NOL4: variants seen among roughly 807,000 people sequenced by gnomAD.
NOL4 encodes the protein nucleolar protein 4, also known as cancer/testis antigen 125.
A neutral mutation model predicts 75.9 loss-of-function variants in NOL4; 17 were observed. The ratio of observed to expected loss-of-function variants is 0.22; its 90% confidence interval spans 0.15 to 0.34. The LOEUF (loss-of-function observed/expected upper bound fraction) is 0.34. NOL4 is among the 10% of genes least tolerant of loss of function. NOL4 has a pLI of 1.00. For synonymous variants in NOL4, 292 were observed against 289.9 expected (o/e 1.01, Z -0.07); for missense variants, 614 against 793.5 (o/e 0.77, Z 2.72).
intron 9 of NOL4, among the ~76,000 whole-genome samples, chr18:33,932,249 C>T (rs1599914162): frequency 6.6e-6 from 1 of 152,044 alleles, no homozygotes; most frequent in East Asian, 1.9e-4. Flanking sequence ...CCATATATAA[C>T]ATTAATTATA....
intron 6 of NOL4, among the ~76,000 whole-genome samples, chr18:34,018,480 T>C (rs1443583608): frequency 6.6e-6 from 1 of 152,162 alleles, no homozygotes; most frequent in Non-Finnish European, 1.5e-5. Context: ...TAAGACATTT[T>C]GCTTTAAGGA....
chr18:34,105,312 A>G, intron 2 of NOL4, 152 bp from the exon 3 acceptor site: 1 of 589,324 alleles, frequency 1.7e-6, no homozygotes, highest in Non-Finnish European at 3.0e-6. Flanking sequence ...CATCATTTCA[A>G]GAAATATCTA....
rs564738022 is a variant in NOL4 at position 34,067,587 on chromosome 18, T to G, written c.772+25878A>C. Reference sequence around the variant, plus strand: ...CGAAAGTGGAGAAAAGTGTTCAGATTTTAGGTACATTATGAAGGCAGAAGG... The same window carrying G: ...CGAAAGTGGAGAAAAGTGTTCAGATGTTAGGTACATTATGAAGGCAGAAGG... On this transcript the variant is annotated intron_variant, in intron 5 of 10. Transcript: ENST00000261592. Among the ~76,000 whole-genome samples, 3 of 152,122 alleles carry G rather than the reference T, an allele frequency of 2.0e-5. No individual in the cohort carries two copies. The East Asian group carries it at 5.8e-4, about 29-fold the overall frequency.
At chr18:34,163,773 G>T (rs192140636) in intron 1 of NOL4, among the ~76,000 whole-genome samples, 1 of 151,916 alleles carries the variant, frequency 6.6e-6, no homozygotes, top group African/African-American at 2.4e-5. Context: ...AAAAGAGCCC[G>T]CATCGCCAAG....
chr18:33,964,492 C>G (rs1260590322), intron 6 of NOL4, among the ~76,000 whole-genome samples: 1 of 149,160 alleles, frequency 6.7e-6, no homozygotes, highest in African/African-American at 2.5e-5. Context: ...AAAGAAAGGA[C>G]AGAAAAGAAA....
chr18:34,191,375 G>C (rs1239422527), intron 1 of NOL4, among the ~76,000 whole-genome samples: 2 of 151,948 alleles, frequency 1.3e-5, no homozygotes, highest in Non-Finnish European at 2.9e-5. Flanking sequence ...CAGTTAATAT[G>C]ATTTTACTAT....
chr18:34,154,367 C>A (rs2029941483), intron 1 of NOL4, among the ~76,000 whole-genome samples: 1 of 151,978 alleles, frequency 6.6e-6, no homozygotes, highest in Non-Finnish European at 1.5e-5. Flanking sequence ...AGCACCCCTA[C>A]AAGCTCCCTT....
intron 5 of NOL4, among the ~76,000 whole-genome samples, chr18:34,073,365 C>G (rs945293683): frequency 6.6e-6 from 1 of 151,868 alleles, no homozygotes; most frequent in Non-Finnish European, 1.5e-5. Flanking sequence ...TGTGGGGGAA[C>G]TGGTACTCCC....
At chr18:34,166,414 C>T (rs1395731774) in intron 1 of NOL4, among the ~76,000 whole-genome samples, 2 of 152,026 alleles carry the variant, frequency 1.3e-5, no homozygotes, top group African/African-American at 4.8e-5. Flanking sequence ...CAGACTTTGT[C>T]TAGAAGAGGG....
At chr18:33,928,724 A>G (rs1276535228) in intron 9 of NOL4, among the ~76,000 whole-genome samples, 1 of 152,226 alleles carries the variant, frequency 6.6e-6, no homozygotes, top group Non-Finnish European at 1.5e-5. Context: ...TGATGAAAAC[A>G]ATAATGTCTG....
chr18:34,059,155 AT>A, intron 5 of NOL4, among the ~76,000 whole-genome samples: 2 of 141,516 alleles, frequency 1.4e-5, no homozygotes, highest in Non-Finnish European at 3.1e-5. Context: ...ATATATATAT[AT>A]ACACATGCTT....
intron 5 of NOL4, among the ~76,000 whole-genome samples, chr18:34,071,960 C>A (rs1231236075): frequency 6.6e-6 from 1 of 152,114 alleles, no homozygotes; most frequent in African/African-American, 2.4e-5. Context: ...GGGCCAGGCG[C>A]AGTAGCTCAC....
chr18:33,908,813 G>A (rs1487612607), intron 9 of NOL4, among the ~76,000 whole-genome samples: 4 of 152,070 alleles, frequency 2.6e-5, no homozygotes, highest in Non-Finnish European at 5.9e-5. Context: ...TTTAAAACAA[G>A]TTGCATAAGC....
At chr18:34,119,249 A>G (rs1459502670) in intron 2 of NOL4, among the ~76,000 whole-genome samples, 1 of 152,198 alleles carries the variant, frequency 6.6e-6, no homozygotes, top group Non-Finnish European at 1.5e-5. Flanking sequence ...TAGATAGAGT[A>G]TCTATCTGAC....
intron 2 of NOL4, among the ~76,000 whole-genome samples, chr18:34,115,722 T>C (rs1034210335): frequency 2.0e-5 from 3 of 152,114 alleles, no homozygotes; most frequent in African/African-American, 4.8e-5. Context: ...GTAACCCTTT[T>C]TCGGGGACTT....
chr18:33,869,633 C>T (rs1232281063), intron 10 of NOL4, among the ~76,000 whole-genome samples: 1 of 151,988 alleles, frequency 6.6e-6, no homozygotes, highest in Non-Finnish European at 1.5e-5. Flanking sequence ...AATCTACAAT[C>T]ATCCAACCAT....
chr18:34,019,735 G>T, intron 5 of NOL4, 134 bp from the exon 6 acceptor site: 2 of 747,304 alleles, frequency 2.7e-6, no homozygotes, highest in African/African-American at 1.8e-5. Flanking sequence ...TCAGCAATAA[G>T]CTTGTAAAGC....
At chr18:34,125,300 C>G (rs753751971) in intron 2 of NOL4, among the ~76,000 whole-genome samples, 1 of 152,106 alleles carries the variant, frequency 6.6e-6, no homozygotes, top group Non-Finnish European at 1.5e-5. Context: ...GATCTGCAAA[C>G]TCTACAAACT....
At chr18:33,879,316 A>G (rs1002087153) in intron 10 of NOL4, among the ~76,000 whole-genome samples, 4 of 152,148 alleles carry the variant, frequency 2.6e-5, no homozygotes, top group African/African-American at 9.6e-5. Flanking sequence ...TCCTTATTCC[A>G]TGAATGTTGG....
Sources: allele counts gnomAD v4.1 joint callset (sites outside exome capture counted in the v4.1 genomes callset), GRCh38; gene constraint gnomAD v4.1.1; transcripts MANE v1.5; gene names NCBI Gene and HGNC (gene_info 2026-07-23, HGNC 2026-07-21).